PLCB1: variants seen among roughly 807,000 people sequenced by gnomAD.
PLCB1 encodes 1-phosphatidylinositol 4,5-bisphosphate phosphodiesterase beta-1.
Under a neutral mutation model 161.8 loss-of-function variants are expected in PLCB1, and 46 were observed. The ratio of observed to expected loss-of-function variants is 0.28; its 90% CI spans 0.22 to 0.36. PLCB1 has a LOEUF of 0.36. Ranked by LOEUF, PLCB1 falls within the 10% of genes least tolerant of loss-of-function variation. The pLI is 1.00. For synonymous variants in PLCB1, 517 were observed against 503.7 expected, an observed-to-expected ratio of 1.03 and a Z score of -0.35; for missense variants, 1,016 against 1,472.5, an observed-to-expected ratio of 0.69 and a Z score of 5.07.
chr20:8,353,258 G>A (rs931075574), intron 2 of PLCB1, among the ~76,000 whole-genome samples: 1 of 152,072 alleles, frequency 6.6e-6, no homozygotes, highest in African/African-American at 2.4e-5. Context: ...ACAAAATAAA[G>A]ATGTGATATT....
chr20:8,407,312 T>C (rs1489891297), intron 3 of PLCB1, among the ~76,000 whole-genome samples: 4 of 151,930 alleles, frequency 2.6e-5, no homozygotes, highest in Admixed American at 1.3e-4. Flanking sequence ...GAGTACAATA[T>C]GGAAAAAGGG....
chr20:8,358,107 A>G (rs1246580402), intron 2 of PLCB1, among the ~76,000 whole-genome samples: 1 of 152,126 alleles, frequency 6.6e-6, no homozygotes, highest in Non-Finnish European at 1.5e-5. Flanking sequence ...CCCAGTTTAC[A>G]CTGTTATTTC....
At chr20:8,802,019 G>A (rs1324079155) in intron 31 of PLCB1, 7 of 1,203,862 alleles carry the variant, frequency 5.8e-6, no homozygotes, top group African/African-American at 4.5e-5. Flanking sequence ...CAATTTCATT[G>A]CCACAAAAAT....
chr20:8,541,605 A>AAAGAAAGGAAGG (rs796318352), intron 3 of PLCB1, among the ~76,000 whole-genome samples: 18 of 149,986 alleles, frequency 1.2e-4, no homozygotes, highest in African/African-American at 4.4e-4. Context: ...AGAAAGAAAG[A>AAAGAAAGGAAGG]AAGGAAGGAA....
intron 2 of PLCB1, among the ~76,000 whole-genome samples, chr20:8,321,865 A>G (rs1485530921): frequency 6.6e-6 from 1 of 152,154 alleles, no homozygotes; most frequent in Non-Finnish European, 1.5e-5. Context: ...CATGCAGTAT[A>G]TACTGCTAGC....
At chr20:8,364,121 T>C (rs1233633359) in intron 2 of PLCB1, among the ~76,000 whole-genome samples, 1 of 152,186 alleles carries the variant, frequency 6.6e-6, no homozygotes, top group Non-Finnish European at 1.5e-5. Context: ...TAAGAGAGAT[T>C]GTCTGGGTTT....
chr20:8,254,443 A>G (rs561301710), intron 2 of PLCB1, among the ~76,000 whole-genome samples: 1 of 152,126 alleles, frequency 6.6e-6, no homozygotes, highest in Admixed American at 6.6e-5. Context: ...GGGCTAATGT[A>G]TCTTCCCCAA....
intron 27 of PLCB1, among the ~76,000 whole-genome samples, chr20:8,778,450 G>A (rs1401986208): frequency 1.5e-4 from 23 of 152,118 alleles, no homozygotes; most frequent in Admixed American, 1.4e-3. Flanking sequence ...TTGGGAATTG[G>A]GGAAAACCAG....
chr20:8,244,499 T>G (rs2123210446), intron 2 of PLCB1, among the ~76,000 whole-genome samples: 1 of 152,018 alleles, frequency 6.6e-6, no homozygotes, highest in Middle Eastern at 3.4e-3. Context: ...GAAATATGAT[T>G]CCTTGTATAT....
intron 3 of PLCB1, among the ~76,000 whole-genome samples, chr20:8,590,976 C>A (rs956737739): frequency 2.0e-5 from 3 of 152,126 alleles, no homozygotes; most frequent in Non-Finnish European, 2.9e-5. Flanking sequence ...CTCCCTCCCC[C>A]TCCCCGACCT....
chr20:8,370,030 G>T (rs1986855249), intron 2 of PLCB1, among the ~76,000 whole-genome samples: 1 of 152,222 alleles, frequency 6.6e-6, no homozygotes, highest in African/African-American at 2.4e-5. Flanking sequence ...TGGCCTTTAA[G>T]AAGTTACAGC....
At chr20:8,174,941 C>T (rs778418634) in intron 2 of PLCB1, among the ~76,000 whole-genome samples, 2 of 151,744 alleles carry the variant, frequency 1.3e-5, no homozygotes, top group South Asian at 2.1e-4. Flanking sequence ...TGGTGACATG[C>T]GCCTGTAGTC....
At chr20:8,305,621 G>A (rs536443229) in intron 2 of PLCB1, 5 of 152,234 alleles carry the variant, frequency 3.3e-5, no homozygotes, top group Admixed American at 3.3e-4. Context: ...CCTGCTAGTC[G>A]CGACTAGCGC....
intron 27 of PLCB1, among the ~76,000 whole-genome samples, chr20:8,780,306 A>G (rs1983151090): frequency 6.6e-6 from 1 of 152,120 alleles, no homozygotes; most frequent in Admixed American, 6.5e-5. Context: ...TTGTAATGTT[A>G]AGGAGTTTTT....
intron 3 of PLCB1, among the ~76,000 whole-genome samples, chr20:8,529,908 A>G (rs1600131138): frequency 2.0e-5 from 3 of 152,178 alleles, no homozygotes; most frequent in South Asian, 4.1e-4. Flanking sequence ...ATTGTATGCT[A>G]TGAGTATTTT....
chr20:8,244,599 G>T (rs1244235565), intron 2 of PLCB1, among the ~76,000 whole-genome samples: 3 of 151,756 alleles, frequency 2.0e-5, no homozygotes, highest in Non-Finnish European at 4.4e-5. Flanking sequence ...CCAGGAAAGG[G>T]GTGCCTGATA....
chr20:8,590,822 AT>A (rs571816532), intron 3 of PLCB1, among the ~76,000 whole-genome samples: 5 of 150,296 alleles, frequency 3.3e-5, no homozygotes, highest in African/African-American at 7.4e-5. Flanking sequence ...TCCTACTTTA[AT>A]TTTTTTTTTA....
chr20:8,762,306 A>T (rs1982082688), intron 25 of PLCB1, among the ~76,000 whole-genome samples: 1 of 152,226 alleles, frequency 6.6e-6, no homozygotes, highest in African/African-American at 2.4e-5. Flanking sequence ...AAAATAACGT[A>T]AATGAATGGA....
intron 3 of PLCB1, among the ~76,000 whole-genome samples, chr20:8,583,197 A>C (rs1190289938): frequency 6.6e-6 from 1 of 152,096 alleles, no homozygotes; most frequent in Non-Finnish European, 1.5e-5. Flanking sequence ...GGGGCTAGGG[A>C]GAGGAAGGAA....
Sources: gnomAD v4.1 joint callset for allele counts (sites outside exome capture counted in the v4.1 genomes callset) on GRCh38, gnomAD v4.1.1 for gene constraint, MANE v1.5 for transcripts, NCBI Gene and HGNC (gene_info 2026-07-23, HGNC 2026-07-21) for gene names.